CNGA1: variants seen among roughly 807,000 people sequenced by gnomAD.
CNGA1 encodes cyclic nucleotide gated channel subunit alpha 1.
Under a neutral mutation model 69.7 loss-of-function variants are expected in CNGA1, and 53 were observed. The ratio of observed to expected loss-of-function variants is 0.76; its 90% CI spans 0.61 to 0.96. The LOEUF (loss-of-function observed/expected upper bound fraction) is 0.96. Among genes scored for constraint, CNGA1 ranks in the 40% least tolerant of loss-of-function variants. CNGA1 has a pLI of 0.00. For synonymous variants in CNGA1, 249 were observed against 283.5 expected (o/e 0.88, Z 1.22); for missense variants, 739 against 811.2 (o/e 0.91, Z 1.08).
chr4:47,994,453 CT>C (rs1742397682), intron 2 of CNGA1, among the ~76,000 whole-genome samples: 1 of 152,096 alleles, frequency 6.6e-6, no homozygotes, highest in African/African-American at 2.4e-5. Context: ...TTTTTAACTG[CT>C]GTTGCTTTAA....
intron 3 of CNGA1, among the ~76,000 whole-genome samples, chr4:47,978,119 C>T (rs1389993277): frequency 6.6e-6 from 1 of 152,160 alleles, no homozygotes; most frequent in Non-Finnish European, 1.5e-5. Flanking sequence ...AGCCACCGCG[C>T]CCAGCCCTAA....
chr4:47,942,359 G>GTT (rs201657712), intron 8 of CNGA1, among the ~76,000 whole-genome samples: 13 of 123,314 alleles, frequency 1.1e-4, no homozygotes, highest in South Asian at 5.5e-4. Flanking sequence ...AAAACTACCA[G>GTT]TTTTTTTTTT....
intron 3 of CNGA1, among the ~76,000 whole-genome samples, chr4:47,955,186 T>C (rs1197586068): frequency 2.2e-5 from 3 of 137,578 alleles, no homozygotes; most frequent in African/African-American, 5.6e-5. Flanking sequence ...TTTTTTTTTT[T>C]TTTTTTTTTT....
At chr4:47,977,176 C>G (rs1489573905) in intron 3 of CNGA1, among the ~76,000 whole-genome samples, 1 of 152,122 alleles carries the variant, frequency 6.6e-6, no homozygotes, top group Non-Finnish European at 1.5e-5. Context: ...TTTTTGGAGA[C>G]AAGGCCTTTA....
chr4:47,994,804 T>C (rs1742413005), intron 2 of CNGA1, among the ~76,000 whole-genome samples: 1 of 152,156 alleles, frequency 6.6e-6, no homozygotes, highest in African/African-American at 2.4e-5. Flanking sequence ...AGAGGTTCTG[T>C]TTGATGTGTT....
At position 47,936,534 on chromosome 4, in the gene CNGA1, T is replaced by C. The variant is rs1189644243; in HGVS notation, c.1948A>G (p.Lys650Glu). ...ILAEYESMQQ[K>E]LKQRLTKVEK... ...ACCTTGGTTAATCTTTGTTTCAGTTTCTGCTGCATGGACTCATACTCAGCC... is the reference window on the plus strand; with the variant it reads ...ACCTTGGTTAATCTTTGTTTCAGTTCCTGCTGCATGGACTCATACTCAGCC... Residue 650 changes from lysine (K) to glutamate (E), a missense_variant, in exon 11 of 11, where the codon AAA becomes GAA. By Grantham distance (56) the Lys-to-Glu change is moderately conservative. Coordinates refer to ENST00000514170, the MANE Select transcript of CNGA1 (RefSeq NM_001379270.1). 6 of 1,614,206 alleles carry C rather than the reference T, an allele frequency of 3.7e-6. No individual in the cohort carries two copies. The highest frequency in any genetic ancestry group is 1.7e-5 in the Admixed American group (1 of 60,030).
chr4:47,953,685 A>G (rs1489281005), intron 3 of CNGA1, among the ~76,000 whole-genome samples: 1 of 152,194 alleles, frequency 6.6e-6, no homozygotes, highest in Non-Finnish European at 1.5e-5. Flanking sequence ...AGCACAGGCC[A>G]TGCCCCTTTG....
intron 2 of CNGA1, among the ~76,000 whole-genome samples, chr4:48,005,018 G>A (rs913328276): frequency 6.6e-6 from 1 of 152,108 alleles, no homozygotes; most frequent in Non-Finnish European, 1.5e-5. Context: ...AAGAACAGGT[G>A]TACTATAGTT....
chr4:48,007,832 AT>A (rs1309522793), intron 2 of CNGA1, among the ~76,000 whole-genome samples: 1 of 152,194 alleles, frequency 6.6e-6, no homozygotes, highest in Admixed American at 6.5e-5. Flanking sequence ...GGAAGAAAAC[AT>A]TTCCTTCAGA....
chr4:47,938,212 T>G (rs1056543701), intron 10 of CNGA1, among the ~76,000 whole-genome samples: 12 of 151,654 alleles, frequency 7.9e-5, no homozygotes, highest in African/African-American at 2.7e-4. Flanking sequence ...AAAGAAAAAT[T>G]TTGTAAGTGC....
chr4:47,985,736 C>A (rs1034861120), intron 2 of CNGA1, among the ~76,000 whole-genome samples: 1 of 151,740 alleles, frequency 6.6e-6, no homozygotes, highest in Non-Finnish European at 1.5e-5. Flanking sequence ...CTAGCTCTCA[C>A]ACTTCCTTCG....
At chr4:47,958,187 A>G (rs189890075) in intron 3 of CNGA1, among the ~76,000 whole-genome samples, 2 of 152,156 alleles carry the variant, frequency 1.3e-5, no homozygotes, top group East Asian at 3.9e-4. Flanking sequence ...GTGCCTGGCC[A>G]TGTTTGTAAT....
rs1035226190 is a variant in CNGA1, at chr4:48,016,574, G to A, written c.-314C>T. The A allele has an allele frequency of 1.4e-5, 7 of 501,726 alleles. No individual in the cohort carries two copies. Among genetic ancestry groups the A allele is most frequent in the Non-Finnish European group, 2.4e-5 (7 of 287,286 alleles). The allele number at this position is 501,726 out of a possible 1,614,324, so 31.1% of individuals were successfully genotyped here. A position where few individuals can be genotyped will look rare whatever the true frequency, so the allele number is the denominator to read the frequency against. On this transcript the variant is annotated 5_prime_UTR_variant, in exon 1 of 11. Coordinates refer to ENST00000514170, the MANE Select transcript of CNGA1 (RefSeq NM_001379270.1). ...GCGGCTCCAGCAGTCGCGCCAAGGGGCAGCTGCTACTCCTGCCAGATACAC... is the reference window on the plus strand; with the variant it reads ...GCGGCTCCAGCAGTCGCGCCAAGGGACAGCTGCTACTCCTGCCAGATACAC...
intron 3 of CNGA1, chr4:47,959,287 A>G (rs1268213484): frequency 6.6e-6 from 1 of 152,202 alleles, no homozygotes; most frequent in East Asian, 1.9e-4. Flanking sequence ...CCAATGGTAC[A>G]CACTCATCTA....
intron 6 of CNGA1, among the ~76,000 whole-genome samples, chr4:47,945,041 G>T (rs1425100095): frequency 6.6e-6 from 1 of 152,052 alleles, no homozygotes; most frequent in East Asian, 1.9e-4. Context: ...ATAATTAGGA[G>T]GTTGAGGGCA....
intron 2 of CNGA1, among the ~76,000 whole-genome samples, chr4:47,989,047 G>A (rs1742121844): frequency 6.6e-6 from 1 of 152,050 alleles, no homozygotes; most frequent in Non-Finnish European, 1.5e-5. Context: ...CCCCTACTGT[G>A]AAAAGCAATT....
chr4:48,015,726 C>T (rs1203608784), intron 1 of CNGA1, among the ~76,000 whole-genome samples: 2 of 152,134 alleles, frequency 1.3e-5, no homozygotes, highest in African/African-American at 4.8e-5. Context: ...CCCACCTCAG[C>T]CTCCTGAGTA....
intron 4 of CNGA1, among the ~76,000 whole-genome samples, chr4:47,951,951 T>C (rs532000369): frequency 6.6e-6 from 1 of 152,360 alleles, no homozygotes; most frequent in South Asian, 2.1e-4. Flanking sequence ...CATATGTATC[T>C]ATGGCAATGT....
chr4:47,963,912 G>T (rs1740592161), intron 3 of CNGA1, among the ~76,000 whole-genome samples: 1 of 152,130 alleles, frequency 6.6e-6, no homozygotes, highest in African/African-American at 2.4e-5. Context: ...AAATATTCAA[G>T]TGAAGACAAC....
Sources: gnomAD v4.1 joint callset for allele counts (sites outside exome capture counted in the v4.1 genomes callset) on GRCh38, gnomAD v4.1.1 for gene constraint, MANE v1.5 for transcripts, NCBI Gene and HGNC (gene_info 2026-07-23, HGNC 2026-07-21) for gene names.